The following AUTS2 variants were observed in gnomAD, a reference collection of about 807,000 sequenced individuals.
AUTS2 encodes activator of transcription and developmental regulator AUTS2.
In AUTS2, 17 loss-of-function variants were observed where a neutral mutation model predicts 112.4. The ratio of observed to expected loss-of-function variants is 0.15; its 90% CI spans 0.10 to 0.23. The LOEUF (loss-of-function observed/expected upper bound fraction) is 0.23, where lower values mean the gene tolerates loss of function less well. AUTS2 is among the 10% of genes least tolerant of loss of function. The pLI, the probability that AUTS2 is intolerant of heterozygous loss-of-function variation, is 1.00. For missense variants in AUTS2, 1,510 were observed against 1,701.6 expected (o/e 0.89, Z 1.98); for synonymous variants, 751 against 702.7 (o/e 1.07, Z -1.09).
intron 2 of AUTS2, among the ~76,000 whole-genome samples, chr7:69,971,318 A>T (rs1797840920): frequency 6.6e-6 from 1 of 152,126 alleles, no homozygotes; most frequent in Non-Finnish European, 1.5e-5. Flanking sequence ...AACTCAATTG[A>T]ATTGTTTTCT....
intron 1 of AUTS2, among the ~76,000 whole-genome samples, chr7:69,636,490 C>CCCT (rs1196281606): frequency 1.0e-5 from 1 of 96,846 alleles, no homozygotes; most frequent in Non-Finnish European, 2.4e-5. Context: ...GCCCCCCCCC[C>CCCT]CCCTTGGCCT....
In AUTS2 at chr7:70,644,029, G is replaced by A. The variant is rs530051636; in HGVS notation, c.691-54540G>A. 1.9e-4 allele frequency among the ~76,000 whole-genome samples: 29 copies of A among 152,238 alleles called. No homozygotes were observed. The East Asian group carries it at 4.8e-3, about 25-fold the overall frequency. On this transcript the variant is annotated intron_variant, in intron 5 of 18. Coordinates refer to ENST00000342771, the MANE Select transcript of AUTS2 (RefSeq NM_015570.4). Reference sequence around the variant, plus strand: ...AATTTGCTTTCCTGACCAGTTCCTTGGTGATGCTGAGGCTGCTGGTCTAGA... The same window carrying A: ...AATTTGCTTTCCTGACCAGTTCCTTAGTGATGCTGAGGCTGCTGGTCTAGA...
chr7:69,814,314 C>T (rs563048170), intron 1 of AUTS2, among the ~76,000 whole-genome samples: 10 of 152,296 alleles, frequency 6.6e-5, no homozygotes, highest in African/African-American at 2.4e-4. Flanking sequence ...ACTAGTTCCC[C>T]TGGGTTTCTG....
intron 2 of AUTS2, among the ~76,000 whole-genome samples, chr7:69,938,764 A>G (rs1297192415): frequency 6.6e-6 from 1 of 152,240 alleles, no homozygotes; most frequent in Non-Finnish European, 1.5e-5. Flanking sequence ...TGGAAGCTGC[A>G]GAAAAGAACG....
chr7:70,637,228 A>G (rs190448990), intron 5 of AUTS2, among the ~76,000 whole-genome samples: 3 of 152,322 alleles, frequency 2.0e-5, no homozygotes, highest in Admixed American at 2.0e-4. Context: ...TGGCTTAACC[A>G]TCATCTGTGA....
Position 70,336,170 on chromosome 7 carries a change from CAGTT to C in AUTS2, c.661-99579_661-99576del, listed in dbSNP as rs369180443. Among the ~76,000 whole-genome samples, 212 of 152,120 alleles carry C rather than the reference CAGTT, an allele frequency of 1.4e-3. 1 individual carries two copies. In the East Asian group the frequency reaches 0.016, roughly 12 times the overall value. ...CTTTTTAAAATAATTGGTTTGTTAACAGTTAGGAAAGCCATACGTGTTATTTGTT... is the reference window on the plus strand; with the variant it reads ...CTTTTTAAAATAATTGGTTTGTTAACAGGAAAGCCATACGTGTTATTTGTT... On this transcript the variant is annotated intron_variant, in intron 4 of 18. Transcript: ENST00000342771.
At chr7:70,451,936 C>G (rs1313066918) in intron 5 of AUTS2, among the ~76,000 whole-genome samples, 2 of 152,260 alleles carry the variant, frequency 1.3e-5, no homozygotes, top group East Asian at 3.9e-4. Flanking sequence ...TCTGAGAGGT[C>G]TGGTTCTGAG....
At chr7:70,214,790 C>A (rs1005398001) in intron 4 of AUTS2, among the ~76,000 whole-genome samples, 1 of 152,118 alleles carries the variant, frequency 6.6e-6, no homozygotes, top group African/African-American at 2.4e-5. Flanking sequence ...GTAATATTTT[C>A]TAGACTTATT....
chr7:70,712,339 C>T (rs117551696), intron 6 of AUTS2, among the ~76,000 whole-genome samples: 2,649 of 151,848 alleles, frequency 0.017, 47 homozygotes, highest in South Asian at 0.063. Context: ...TGAGCCACCA[C>T]GCCCAGTGTC....
chr7:70,095,036 A>G (rs147112009), intron 2 of AUTS2, among the ~76,000 whole-genome samples: 241 of 152,280 alleles, frequency 1.6e-3, no homozygotes, highest in African/African-American at 5.7e-3. Context: ...TGCAAAGAGG[A>G]TATTCTGTTC....
intron 4 of AUTS2, among the ~76,000 whole-genome samples, chr7:70,147,269 CAT>C (rs1420555205): frequency 6.6e-6 from 1 of 151,130 alleles, no homozygotes; most frequent in Non-Finnish European, 1.5e-5. Context: ...ATACAATCTA[CAT>C]GTTTAAACAT....
rs534121894 is a variant in AUTS2 at position 69,792,938 on chromosome 7, CAG to C, written c.310-106347_310-106346del. On this transcript the variant is annotated intron_variant, in intron 1 of 18. Transcript: ENST00000342771. ...ATCATTGCCTTAGGACCTTCTTTCT[CAG>C]GGGCCGGGCTATTCCAGTGGGTGTG... is the stretch of plus-strand genomic sequence containing the variant. Among the ~76,000 whole-genome samples the C allele has an allele frequency of 8.5e-5, 13 of 152,276 alleles. No individual in the cohort carries two copies. The South Asian group carries it at 1.9e-3, about 22-fold the overall frequency.
intron 2 of AUTS2, among the ~76,000 whole-genome samples, chr7:70,047,421 C>T (rs991058661): frequency 6.6e-6 from 1 of 152,156 alleles, no homozygotes; most frequent in Non-Finnish European, 1.5e-5. Flanking sequence ...TGCAGAGACA[C>T]TTTCCCTATT....
At chr7:69,988,877 A>G (rs1798622248) in intron 2 of AUTS2, among the ~76,000 whole-genome samples, 1 of 152,192 alleles carries the variant, frequency 6.6e-6, no homozygotes, top group Admixed American at 6.5e-5. Flanking sequence ...AATGATTTCA[A>G]CAACCCCTTT....
intron 4 of AUTS2, among the ~76,000 whole-genome samples, chr7:70,235,465 A>G (rs1352318163): frequency 6.6e-6 from 1 of 152,112 alleles, no homozygotes; most frequent in African/African-American, 2.4e-5. Context: ...TATTGTGTGC[A>G]TGTTGGTTGT....
intron 2 of AUTS2, among the ~76,000 whole-genome samples, chr7:69,969,575 T>G (rs931191413): frequency 6.6e-6 from 1 of 152,212 alleles, no homozygotes; most frequent in East Asian, 1.9e-4. Flanking sequence ...ATTTTTGTTT[T>G]CCAAAACTCA....
At chr7:70,777,659 G>T (rs1790795509) in intron 14 of AUTS2, among the ~76,000 whole-genome samples, 1 of 152,122 alleles carries the variant, frequency 6.6e-6, no homozygotes, top group South Asian at 2.1e-4. Flanking sequence ...CTGTTAATTA[G>T]GGAAACCACT....
intron 4 of AUTS2, among the ~76,000 whole-genome samples, chr7:70,369,844 C>T (rs1367795770): frequency 6.6e-6 from 1 of 152,196 alleles, no homozygotes; most frequent in East Asian, 1.9e-4. Flanking sequence ...TGAATGACTT[C>T]CTGTTACCTT....
At chr7:69,637,742 T>C (rs1448927651) in intron 1 of AUTS2, among the ~76,000 whole-genome samples, 2 of 152,184 alleles carry the variant, frequency 1.3e-5, no homozygotes, top group East Asian at 3.9e-4. Context: ...TTGGATCTTC[T>C]TGAGGCAGTG....
Sources: allele counts gnomAD v4.1 joint callset (sites outside exome capture counted in the v4.1 genomes callset), GRCh38; gene constraint gnomAD v4.1.1; transcripts MANE v1.5; gene names NCBI Gene and HGNC (gene_info 2026-07-23, HGNC 2026-07-21).